ZC3H3: variants seen among roughly 807,000 people sequenced by gnomAD.
The protein encoded by ZC3H3 is zinc finger CCCH-type containing 3.
A neutral mutation model predicts 77.3 loss-of-function variants in ZC3H3; 36 were observed. That is an observed-to-expected ratio of 0.47 (90% CI 0.36 to 0.61). The LOEUF is 0.61. ZC3H3 is among the 20% of genes least tolerant of loss of function. The pLI, the probability that ZC3H3 is intolerant of heterozygous loss-of-function variation, is 0.00. For synonymous variants in ZC3H3, 626 were observed against 555.2 expected, an observed-to-expected ratio of 1.13 and a Z score of -1.79; for missense variants, 1,331 against 1,312.2, an observed-to-expected ratio of 1.01 and a Z score of -0.22.
At chr8:143,506,507 G>A (rs1461210214) in intron 4 of ZC3H3, among the ~76,000 whole-genome samples, 1 of 152,182 alleles carries the variant, frequency 6.6e-6, no homozygotes, top group Non-Finnish European at 1.5e-5. Context: ...ACTTAGCAAT[G>A]TGAATTAATA....
intron 9 of ZC3H3, among the ~76,000 whole-genome samples, chr8:143,442,432 C>CGGGGGGGGGGGGGGG (rs72497486): frequency 1.1e-5 from 1 of 93,878 alleles, no homozygotes; most frequent in Admixed American, 1.1e-4. Flanking sequence ...GCAAGGCCTC[C>CGGGGGGGGGGGGGGG]GGGGGGGGGG....
chr8:143,508,482 C>T (rs2980276), intron 3 of ZC3H3, among the ~76,000 whole-genome samples: 4,271 of 152,334 alleles, frequency 0.028, 178 homozygotes, highest in African/African-American at 0.096. Flanking sequence ...ATAGACACGA[C>T]GGCTTTTTTC....
rs1008319053 is a variant in ZC3H3 at position 143,505,473 on chromosome 8, G to A, written c.1715+2273C>T. ...AGCCATGCTGGGACGCAGGTGGCAGGTGACCCTGGGCGAGGCAGGCCCAGC... is the reference window on the plus strand; with the variant it reads ...AGCCATGCTGGGACGCAGGTGGCAGATGACCCTGGGCGAGGCAGGCCCAGC... On this transcript the variant is annotated intron_variant, in intron 4 of 11. Transcript: ENST00000262577. 1.7e-4 allele frequency among the ~76,000 whole-genome samples: 26 copies of A among 152,208 alleles called. 1 individual carries two copies. The highest frequency in any genetic ancestry group is 4.4e-5 in the Non-Finnish European group (3 of 68,022).
At position 143,465,696 on chromosome 8, in the gene ZC3H3, G is replaced by A. The variant is rs771628143; in HGVS notation, c.2307+21C>T. The A allele has an allele frequency of 1.4e-5, 22 of 1,612,252 alleles. No homozygotes were observed. In the South Asian group the frequency reaches 1.8e-4, roughly 13 times the overall value. ...CAAGCCACAGGAACCCCGCCCACTCGGGCCCCCACAGACCACTCACCTTTG... is the reference window on the plus strand; with the variant it reads ...CAAGCCACAGGAACCCCGCCCACTCAGGCCCCCACAGACCACTCACCTTTG... On this transcript the variant is annotated intron_variant, in intron 9 of 11. Transcript: ENST00000262577.
At chr8:143,503,893 C>T (rs540898423) in intron 4 of ZC3H3, among the ~76,000 whole-genome samples, 10 of 152,350 alleles carry the variant, frequency 6.6e-5, no homozygotes, top group African/African-American at 1.7e-4. Flanking sequence ...ACAAACCCAG[C>T]CATCAACGGG....
intron 9 of ZC3H3, among the ~76,000 whole-genome samples, chr8:143,461,756 C>T (rs1289430021): frequency 2.0e-5 from 3 of 151,950 alleles, no homozygotes; most frequent in African/African-American, 7.3e-5. Context: ...TCCAGCAACA[C>T]GAAAGGCCCA....
chr8:143,505,265 G>A (rs549478890), intron 4 of ZC3H3, among the ~76,000 whole-genome samples: 3 of 152,344 alleles, frequency 2.0e-5, no homozygotes, highest in Non-Finnish European at 2.9e-5. Flanking sequence ...GCAGCCCTTA[G>A]TCCATGGTGG....
chr8:143,457,204 C>T (rs1277321530), intron 9 of ZC3H3, among the ~76,000 whole-genome samples: 1 of 152,108 alleles, frequency 6.6e-6, no homozygotes, highest in African/African-American at 2.4e-5. Flanking sequence ...TAAAACAAAC[C>T]GTGAGAAACT....
Position 143,440,099 on chromosome 8 carries a change from C to CG in ZC3H3, c.2756dup (p.Ser920GlufsTer12). 1 of 1,606,210 alleles carries CG rather than the reference C, an allele frequency of 6.2e-7. No homozygotes were observed. Among genetic ancestry groups the CG allele is most frequent in the Non-Finnish European group, 8.5e-7 (1 of 1,177,542 alleles). On this transcript the variant is annotated frameshift_variant, in exon 11 of 12. Coordinates refer to ENST00000262577, the MANE Select transcript of ZC3H3 (RefSeq NM_015117.3). LOFTEE classifies it high-confidence loss of function. ...GGACCCTGGGCTGGGCTCCTGGGCT[C>CG]GGCGAGGACTGCAGGGAGATGAAGG...
intron 3 of ZC3H3, among the ~76,000 whole-genome samples, chr8:143,518,711 T>C (rs1412183417): frequency 2.0e-5 from 3 of 152,210 alleles, no homozygotes; most frequent in Non-Finnish European, 4.4e-5. Flanking sequence ...AAGCTGGAGA[T>C]GGCACGTGGG....
intron 4 of ZC3H3, among the ~76,000 whole-genome samples, chr8:143,475,962 C>CT (rs1349228108): frequency 6.6e-6 from 1 of 152,214 alleles, no homozygotes; most frequent in East Asian, 1.9e-4. Flanking sequence ...CCCCTGGGCC[C>CT]TGACCACCTG....
chr8:143,519,789 CATGCACAGGACTCA>C (rs1272866559), intron 3 of ZC3H3, among the ~76,000 whole-genome samples: 3 of 152,186 alleles, frequency 2.0e-5, no homozygotes, highest in African/African-American at 7.2e-5. Flanking sequence ...CCACTCCATC[CATGCACAGGACTCA>C]TCACGGGCCC....
chr8:143,477,112 C>G (rs1820757047), intron 4 of ZC3H3, among the ~76,000 whole-genome samples: 1 of 152,234 alleles, frequency 6.6e-6, no homozygotes. Flanking sequence ...TGCAACCCCT[C>G]CGGGCCTTGG....
At chr8:143,483,901 G>A (rs7842713) in intron 4 of ZC3H3, among the ~76,000 whole-genome samples, 3,995 of 152,268 alleles carry the variant, frequency 0.026, 173 homozygotes, top group African/African-American at 0.091. Context: ...CTCTAGTCCC[G>A]CTGTCACCCC....
At chr8:143,485,878 C>T (rs781336171) in intron 4 of ZC3H3, among the ~76,000 whole-genome samples, 12 of 152,232 alleles carry the variant, frequency 7.9e-5, no homozygotes, top group Non-Finnish European at 1.0e-4. Flanking sequence ...TGCCAGCCAG[C>T]GGGATGGGCG....
chr8:143,439,350 C>T (rs923811050), intron 11 of ZC3H3, among the ~76,000 whole-genome samples: 9 of 152,134 alleles, frequency 5.9e-5, no homozygotes, highest in African/African-American at 9.7e-5. Flanking sequence ...ACGTTACGAC[C>T]GTGAAATATG....
chr8:143,473,409 A>G (rs1820635481), intron 5 of ZC3H3, among the ~76,000 whole-genome samples: 1 of 152,162 alleles, frequency 6.6e-6, no homozygotes, highest in African/African-American at 2.4e-5. Context: ...GGGCCCCAGG[A>G]ATCTTCACTG....
intron 5 of ZC3H3, among the ~76,000 whole-genome samples, chr8:143,469,591 C>T (rs1218795588): frequency 1.3e-5 from 2 of 152,210 alleles, no homozygotes; most frequent in South Asian, 2.1e-4. Context: ...CCTGGGAGGG[C>T]GGCCTGGGAG....
In ZC3H3 at chr8:143,438,101, G is replaced by A; in HGVS notation, c.2816-14C>T. 3 of 1,607,038 alleles carry A rather than the reference G, an allele frequency of 1.9e-6. No individual in the cohort carries two copies. Among genetic ancestry groups the A allele is most frequent in the Non-Finnish European group, 2.5e-6 (3 of 1,176,962 alleles). On this transcript the variant is annotated splice_polypyrimidine_tract_variant and intron_variant, in intron 11 of 11. Coordinates refer to ENST00000262577, the MANE Select transcript of ZC3H3 (RefSeq NM_015117.3). ...GCAGAGGCTTCCCTATGCAAAGAGG[G>A]CAAAAGTTAGGTGCCCGGAAACCCC...
Sources: gnomAD v4.1 joint callset for allele counts (sites outside exome capture counted in the v4.1 genomes callset) on GRCh38, gnomAD v4.1.1 for gene constraint, MANE v1.5 for transcripts, NCBI Gene and HGNC (gene_info 2026-07-23, HGNC 2026-07-21) for gene names.